Variants in DHODH observed in about 807,000 individuals in gnomAD.
The protein encoded by DHODH is dihydroorotate dehydrogenase (quinone).
Under a neutral mutation model 39.7 loss-of-function variants are expected in DHODH, and 30 were observed. That is an observed-to-expected ratio of 0.76 (90% CI 0.57 to 1.02). The LOEUF is 1.02. Ranked by LOEUF, DHODH falls within the 50% of genes least tolerant of loss-of-function variation. The pLI is 0.00. For synonymous variants in DHODH, 222 were observed against 213.8 expected, an observed-to-expected ratio of 1.04 and a Z score of -0.34; for missense variants, 531 against 520.8, an observed-to-expected ratio of 1.02 and a Z score of -0.19.
chr16:72,018,399 T>A (rs1029071030), intron 4 of DHODH, among the ~76,000 whole-genome samples: 1 of 152,114 alleles, frequency 6.6e-6, no homozygotes, highest in Non-Finnish European at 1.5e-5. Flanking sequence ...AATAGGAAAT[T>A]ATCTTTTGGA....
In DHODH at chr16:72,022,303, A is replaced by G. The variant is rs1257558982; in HGVS notation, c.706-59A>G. The G allele has an allele frequency of 3.2e-6, 4 of 1,268,834 alleles. No homozygotes were observed. In the Admixed American group the frequency reaches 5.9e-5, roughly 19 times the overall value. The allele number at this position is 1,268,834 out of a possible 1,614,324, so 78.6% of individuals were successfully genotyped here. ...CCCACTGACCTGCAGCGTAGGTCAC[A>G]GCTGCACTGCAGGGCTGTGGTCTGC... On this transcript the variant is annotated intron_variant, in intron 5 of 8. Coordinates refer to ENST00000219240, the MANE Select transcript of DHODH (RefSeq NM_001361.5).
At chr16:72,014,991 C>G (rs1478503705) in intron 3 of DHODH, among the ~76,000 whole-genome samples, 2 of 152,126 alleles carry the variant, frequency 1.3e-5, no homozygotes, top group Non-Finnish European at 2.9e-5. Context: ...TGTGCTCTGT[C>G]CATGTTGTTT....
intron 8 of DHODH, 42 bp downstream of exon 8, chr16:72,023,675 A>C (rs1340768514): frequency 6.2e-7 from 1 of 1,609,544 alleles, no homozygotes; most frequent in Non-Finnish European, 8.5e-7. Flanking sequence ...AGTTAGGCAG[A>C]GGTTCATTTA....
chr16:72,010,974 C>T (rs893270476), intron 1 of DHODH, among the ~76,000 whole-genome samples: 13 of 152,158 alleles, frequency 8.5e-5, no homozygotes, highest in African/African-American at 2.4e-4. Flanking sequence ...AGTCCTCCCA[C>T]TTCAGCCTCC....
At chr16:72,010,372 A>G (rs1033053838) in intron 1 of DHODH, among the ~76,000 whole-genome samples, 1 of 152,222 alleles carries the variant, frequency 6.6e-6, no homozygotes, top group Non-Finnish European at 1.5e-5. Flanking sequence ...CTTGAGTATC[A>G]GCTTTAAGTC....
intron 3 of DHODH, chr16:72,016,617 G>A: frequency 2.9e-6 from 1 of 340,728 alleles, no homozygotes; most frequent in South Asian, 2.4e-5. Context: ...CGTTTGCTCT[G>A]AGCTAGGAAG....
chr16:72,014,415 C>A, intron 2 of DHODH, 58 bp from the exon 3 acceptor site: 2 of 1,531,554 alleles, frequency 1.3e-6, no homozygotes, highest in Non-Finnish European at 1.8e-6. Flanking sequence ...AGGAACCATG[C>A]TTTGAGAAAT....
In DHODH at chr16:72,012,104, T is replaced by A; in HGVS notation, c.76T>A (p.Ser26Thr). 1 of 1,614,186 alleles carries A rather than the reference T, an allele frequency of 6.2e-7. No homozygotes were observed. Reference sequence around the variant, plus strand: ...GGGGGGAGGAGGACTTCTCTTCGCCTCCTACCTGATGGCCACGGGAGATGA... The same window carrying A: ...GGGGGGAGGAGGACTTCTCTTCGCCACCTACCTGATGGCCACGGGAGATGA... ...ILGGGGLLFASYLMATGDERF... is the reference protein window; with the variant it reads ...ILGGGGLLFATYLMATGDERF... Residue 26 changes from serine (S) to threonine (T), a missense_variant, in exon 2 of 9, where the codon TCC becomes ACC. Transcript: ENST00000219240.
intron 1 of DHODH, among the ~76,000 whole-genome samples, chr16:72,009,701 G>A (rs1307669851): frequency 2.0e-5 from 3 of 151,172 alleles, no homozygotes. Context: ...TGCAACCTCC[G>A]CCTCCCGGGT....
chr16:72,012,877 TCTGA>T (rs1274600070), intron 2 of DHODH, among the ~76,000 whole-genome samples: 1 of 152,138 alleles, frequency 6.6e-6, no homozygotes, highest in Non-Finnish European at 1.5e-5. Flanking sequence ...AGATACAGCC[TCTGA>T]CTGCAGAGGC....
chr16:72,021,479 A>G (rs546842803), intron 5 of DHODH, among the ~76,000 whole-genome samples, 168 bp downstream of exon 5: 3 of 152,188 alleles, frequency 2.0e-5, no homozygotes, highest in Admixed American at 6.5e-5. Flanking sequence ...ATCCCCTCTC[A>G]TGACACTGAT....
intron 2 of DHODH, 125 bp from the exon 3 acceptor site, chr16:72,014,348 G>A (rs1413884315): frequency 5.0e-5 from 45 of 902,304 alleles, no homozygotes; most frequent in Non-Finnish European, 7.5e-5. Context: ...CCTTGGGGGT[G>A]GGCCCTGGGA....
At position 72,022,494 on chromosome 16, in the gene DHODH, G is replaced by A. The variant is rs2144000805; in HGVS notation, c.819+19G>A. 6.5e-7 allele frequency: 1 copy of A among 1,542,786 alleles called. No homozygotes were observed. The highest frequency in any genetic ancestry group is 1.2e-5 in the South Asian group (1 of 83,966). ...CAAAGAGGTTTGAGTCGGGGCCTGG[G>A]CCCAGGGTGTGCCTCCCATGGTCTG... On this transcript the variant is annotated intron_variant, in intron 6 of 8. Coordinates refer to ENST00000219240, the MANE Select transcript of DHODH (RefSeq NM_001361.5).
chr16:72,009,225 C>T lies in DHODH; in HGVS notation c.21+440C>T, dbSNP rs189449413. On this transcript the variant is annotated intron_variant, in intron 1 of 8. Transcript: ENST00000219240. Reference sequence around the variant, plus strand: ...CCGTATGTAATAGGTGTTCAGAGGCCGGGCGCGGTGGCTCACGCCTGTAAT... The same window carrying T: ...CCGTATGTAATAGGTGTTCAGAGGCTGGGCGCGGTGGCTCACGCCTGTAAT... The T allele has an allele frequency of 7.4e-5, 63 of 846,524 alleles. No individual in the cohort carries two copies. The African/African-American group carries it at 7.9e-4, about 11-fold the overall frequency. The allele number at this position is 846,524 out of a possible 1,614,324, so 52.4% of individuals were successfully genotyped here.
intron 3 of DHODH, 70 bp from the exon 4 acceptor site, chr16:72,016,954 G>T: frequency 2.9e-6 from 4 of 1,389,338 alleles, no homozygotes; most frequent in Non-Finnish European, 4.1e-6. Context: ...GTTTGAAAAA[G>T]TCCTAAGTGT....
At chr16:72,020,507 C>T in intron 4 of DHODH, 1 of 152,236 alleles carries the variant, frequency 6.6e-6, no homozygotes, top group Non-Finnish European at 1.5e-5. Context: ...AGGTGTGCAC[C>T]ACTGCTCCCG....
chr16:72,019,201 C>A (rs10048145), intron 4 of DHODH, among the ~76,000 whole-genome samples: 1 of 152,172 alleles, frequency 6.6e-6, no homozygotes, highest in Non-Finnish European at 1.5e-5. Flanking sequence ...ATTGATCCAC[C>A]CACCTCAGCC....
At chr16:72,010,063 T>C (rs1044041174) in intron 1 of DHODH, among the ~76,000 whole-genome samples, 1 of 152,234 alleles carries the variant, frequency 6.6e-6, no homozygotes, top group African/African-American at 2.4e-5. Flanking sequence ...ATACTTGATC[T>C]ACATGTCTTT....
At chr16:72,009,058 G>A in intron 1 of DHODH, 2 of 1,400,312 alleles carry the variant, frequency 1.4e-6, no homozygotes, top group Non-Finnish European at 1.9e-6. Flanking sequence ...CTGGCACAGG[G>A]GTGCTTAGTG....
Sources: gnomAD v4.1 joint callset for allele counts (sites outside exome capture counted in the v4.1 genomes callset) on GRCh38, gnomAD v4.1.1 for gene constraint, MANE v1.5 for transcripts, NCBI Gene and HGNC (gene_info 2026-07-23, HGNC 2026-07-21) for gene names.